Variants in CLCN3 observed in about 807,000 individuals in gnomAD.
The protein encoded by CLCN3 is H(+)/Cl(-) exchange transporter 3.
CLCN3 carries 16 observed loss-of-function variants against 83.4 expected under a neutral mutation model. That is an observed-to-expected ratio of 0.19 (90% confidence interval 0.13 to 0.29). The LOEUF is 0.29. Ranked by LOEUF, CLCN3 falls within the 10% of genes least tolerant of loss-of-function variation. CLCN3 has a pLI of 1.00. For missense variants in CLCN3, 544 were observed against 1,006.0 expected, an observed-to-expected ratio of 0.54 and a Z score of 6.21; for synonymous variants, 322 against 346.2, an observed-to-expected ratio of 0.93 and a Z score of 0.78.
chr4:169,681,653 C>T (rs935797913), intron 3 of CLCN3, among the ~76,000 whole-genome samples: 19 of 152,128 alleles, frequency 1.2e-4, no homozygotes, highest in Middle Eastern at 3.4e-3. Flanking sequence ...GCTTTGTTTA[C>T]GTGGTTTTTA....
intron 2 of CLCN3, among the ~76,000 whole-genome samples, chr4:169,672,220 T>TAGATAGATAGATAGATAGATAGATA (rs1553968499): frequency 2.1e-5 from 3 of 145,496 alleles, no homozygotes; most frequent in Admixed American, 6.9e-5. Context: ...TCAAAATAAA[T>TAGATAGATAGATAGATAGATAGATA]GATAGATAGA....
intron 2 of CLCN3, among the ~76,000 whole-genome samples, chr4:169,678,020 A>T (rs985581456): frequency 6.6e-6 from 1 of 152,210 alleles, no homozygotes; most frequent in Non-Finnish European, 1.5e-5. Context: ...CCGCCTGATG[A>T]CAAGGCTGAT....
chr4:169,646,252 T>C (rs1730567006), intron 2 of CLCN3, among the ~76,000 whole-genome samples: 1 of 152,158 alleles, frequency 6.6e-6, no homozygotes, highest in Non-Finnish European at 1.5e-5. Context: ...TCACTGCTCA[T>C]ATTTTATACC....
chr4:169,689,023 T>C lies in CLCN3; in HGVS notation c.419-20T>C. The C allele has an allele frequency of 6.2e-7, 1 of 1,600,512 alleles. No individual in the cohort carries two copies. The highest frequency in any genetic ancestry group is 8.5e-7 in the Non-Finnish European group (1 of 1,176,048). ...AAAAATTGACTTAATTTTTTTACCA[T>C]CTCCAACATGTTTTTATAGGGGCAC... On this transcript the variant is annotated intron_variant, in intron 4 of 12. Transcript: ENST00000513761.
At chr4:169,646,852 C>T (rs1404704170) in intron 2 of CLCN3, among the ~76,000 whole-genome samples, 1 of 152,066 alleles carries the variant, frequency 6.6e-6, no homozygotes, top group African/African-American at 2.4e-5. Flanking sequence ...TAGATTTTCT[C>T]ATCTAAAAAA....
intron 2 of CLCN3, among the ~76,000 whole-genome samples, chr4:169,653,560 G>A (rs1184668937): frequency 7.3e-6 from 1 of 137,834 alleles, no homozygotes; most frequent in Non-Finnish European, 1.5e-5. Context: ...AGAATCACTT[G>A]AACCCGGAGG....
At position 169,722,411 on chromosome 4, in the gene CLCN3, A is replaced by G. The variant is rs1174286221; in HGVS notation, c.*2414A>G. 6.6e-6 allele frequency: 1 copy of G among 152,220 alleles called. No individual in the cohort carries two copies. The highest frequency in any genetic ancestry group is 1.5e-5 in the Non-Finnish European group (1 of 68,044). 9.4% of individuals were successfully genotyped at this position (152,220 alleles called of 1,614,324 possible). On this transcript the variant is annotated 3_prime_UTR_variant, in exon 13 of 13. Coordinates refer to ENST00000513761, the MANE Select transcript of CLCN3 (RefSeq NM_001829.4). ...TTTCAAAGTTTTTTGAGCCATCCAG[A>G]GTAAAATCATTTCTAAATGATAGTT...
intron 2 of CLCN3, chr4:169,660,026 G>A (rs1236280137): frequency 1.1e-5 from 11 of 994,264 alleles, no homozygotes; most frequent in South Asian, 4.7e-5. Context: ...TGATGCTACC[G>A]AAGCTGTATT....
chr4:169,720,113 G>A lies in CLCN3; in HGVS notation c.*116G>A. 6.7e-6 allele frequency: 10 copies of A among 1,497,276 alleles called. No homozygotes were observed. Among genetic ancestry groups the A allele is most frequent in the Non-Finnish European group, 9.0e-6 (10 of 1,114,124 alleles). 92.7% of individuals were successfully genotyped at this position (1,497,276 alleles called of 1,614,324 possible). On this transcript the variant is annotated 3_prime_UTR_variant, in exon 13 of 13. Coordinates refer to ENST00000513761, the MANE Select transcript of CLCN3 (RefSeq NM_001829.4). The stretch of plus-strand genomic sequence containing the variant: ...TTTTCCTCCTTTACAAAAAAAGAAA[G>A]GAAATATAAAAGCCGGGTTTTTGCA...
intron 1 of CLCN3, among the ~76,000 whole-genome samples, chr4:169,635,483 TGTA>T (rs577467962): frequency 6.9e-4 from 105 of 152,238 alleles, no homozygotes; most frequent in African/African-American, 2.4e-3. Context: ...ATTTTTTAAT[TGTA>T]GTATTTATTT....
chr4:169,683,060 G>T (rs1732009683), intron 3 of CLCN3, among the ~76,000 whole-genome samples: 1 of 152,088 alleles, frequency 6.6e-6, no homozygotes, highest in African/African-American at 2.4e-5. Context: ...ATGATCATTA[G>T]GTAAATACAT....
chr4:169,635,654 A>C (rs1473740922), intron 1 of CLCN3, among the ~76,000 whole-genome samples: 1 of 152,108 alleles, frequency 6.6e-6, no homozygotes, highest in East Asian at 1.9e-4. Context: ...ACACAAGCAA[A>C]AATGTAAATA....
In CLCN3 at chr4:169,672,653, TTTTGTTTGTTTG is replaced by T. The variant is rs200126557; in HGVS notation, c.161-7385_161-7374del. On this transcript the variant is annotated intron_variant, in intron 2 of 12. Transcript: ENST00000513761. ...TTTTAGCCTATATAAGTTATATATATTTTGTTTGTTTGTTTGTTTGTTTTGTTTGAGATGGAG... is the reference window on the plus strand; with the variant it reads ...TTTTAGCCTATATAAGTTATATATATTTTGTTTGTTTTGTTTGAGATGGAG... Among the ~76,000 whole-genome samples, 17 of 152,136 alleles carry T rather than the reference TTTTGTTTGTTTG, an allele frequency of 1.1e-4. No homozygotes were observed. In the East Asian group the frequency reaches 3.3e-3, roughly 29 times the overall value.
At chr4:169,692,082 G>C in intron 6 of CLCN3, 32 bp from the exon 7 acceptor site, 1 of 1,279,474 alleles carries the variant, frequency 7.8e-7, no homozygotes, top group Non-Finnish European at 1.1e-6. Context: ...TTTCTTAAAG[G>C]ACATTAAGCT....
chr4:169,690,409 TG>T, intron 5 of CLCN3, 120 bp from the exon 6 acceptor site: 1 of 994,244 alleles, frequency 1.0e-6, no homozygotes, highest in Non-Finnish European at 1.5e-6. Flanking sequence ...ACCTCCCCAG[TG>T]CTGGGATTAC....
rs181331378 is a variant in CLCN3 at position 169,707,340 on chromosome 4, A to C, written c.2149+74A>C. On this transcript the variant is annotated intron_variant, in intron 11 of 12. Coordinates refer to ENST00000513761, the MANE Select transcript of CLCN3 (RefSeq NM_001829.4). ...AGAAAGGAAAGCAATAAGCAGTAAC[A>C]TTTAATGGGTTGGATTTGTGGGGGC... 4.3e-6 allele frequency: 5 copies of C among 1,165,166 alleles called. No individual in the cohort carries two copies. The African/African-American group carries it at 7.7e-5, about 18-fold the overall frequency. 72.2% of individuals were successfully genotyped at this position (1,165,166 alleles called of 1,614,324 possible). A position where few individuals can be genotyped will look rare whatever the true frequency, so the allele number is the denominator to read the frequency against.
chr4:169,630,990 G>C (rs1363648622), intron 1 of CLCN3, among the ~76,000 whole-genome samples: 2 of 152,114 alleles, frequency 1.3e-5, no homozygotes, highest in Non-Finnish European at 2.9e-5. Context: ...TGGCATTGCT[G>C]GGTCAAATGG....
chr4:169,651,963 T>A, intron 2 of CLCN3, among the ~76,000 whole-genome samples: 1 of 152,088 alleles, frequency 6.6e-6, no homozygotes, highest in East Asian at 1.9e-4. Flanking sequence ...AGGGTTTAGG[T>A]AGGGAAAAAA....
chr4:169,695,417 C>T (rs1342149073), intron 7 of CLCN3, among the ~76,000 whole-genome samples, 195 bp from the exon 8 acceptor site: 1 of 152,048 alleles, frequency 6.6e-6, no homozygotes, highest in Non-Finnish European at 1.5e-5. Flanking sequence ...GCATGACTGA[C>T]CTTTCAATTA....
Sources: gnomAD v4.1 joint callset for allele counts (sites outside exome capture counted in the v4.1 genomes callset) on GRCh38, gnomAD v4.1.1 for gene constraint, MANE v1.5 for transcripts, NCBI Gene and HGNC (gene_info 2026-07-23, HGNC 2026-07-21) for gene names.